The following GAB2 variants were observed in gnomAD, a reference collection of about 807,000 sequenced individuals.
The protein encoded by GAB2 is GRB2-associated-binding protein 2.
Under a neutral mutation model 65.5 loss-of-function variants are expected in GAB2, and 26 were observed. The ratio of observed to expected loss-of-function variants is 0.40; its 90% CI spans 0.29 to 0.55. The LOEUF (loss-of-function observed/expected upper bound fraction) is 0.55. Among genes scored for constraint, GAB2 ranks in the 20% least tolerant of loss-of-function variants. The probability of loss-of-function intolerance (pLI) is 0.53; values close to 1 mark genes in which losing one functional copy is unlikely to be tolerated. For synonymous variants in GAB2, 321 were observed against 329.6 expected (o/e 0.97, Z 0.28); for missense variants, 884 against 875.8 (o/e 1.01, Z -0.12).
chr11:78,275,730 A>G (rs529887404), intron 2 of GAB2, among the ~76,000 whole-genome samples: 11 of 152,350 alleles, frequency 7.2e-5, no homozygotes, highest in Admixed American at 5.2e-4. Flanking sequence ...ATATAGATGC[A>G]TATGTGTATA....
At chr11:78,384,431 A>G (rs1050464019) in intron 1 of GAB2, among the ~76,000 whole-genome samples, 2 of 152,218 alleles carry the variant, frequency 1.3e-5, no homozygotes, top group African/African-American at 4.8e-5. Flanking sequence ...AAATTGTGCC[A>G]TCAGTGGCTG....
At chr11:78,267,717 G>A (rs890746098) in intron 2 of GAB2, among the ~76,000 whole-genome samples, 2 of 151,782 alleles carry the variant, frequency 1.3e-5, no homozygotes, top group Non-Finnish European at 2.9e-5. Flanking sequence ...AATTAGCCGG[G>A]TGCAGTGGCA....
intron 2 of GAB2, among the ~76,000 whole-genome samples, chr11:78,256,881 C>CT (rs1270592856): frequency 2.0e-5 from 3 of 152,112 alleles, no homozygotes; most frequent in African/African-American, 7.2e-5. Flanking sequence ...TGTAACTGAC[C>CT]TTCCTAATGA....
chr11:78,406,207 A>G (rs186910658), intron 1 of GAB2, among the ~76,000 whole-genome samples: 19 of 152,306 alleles, frequency 1.2e-4, no homozygotes, highest in Non-Finnish European at 2.5e-4. Flanking sequence ...CTACCTTCCT[A>G]TCGGGAGTGT....
At chr11:78,263,501 T>C (rs993005619) in intron 2 of GAB2, among the ~76,000 whole-genome samples, 2 of 151,792 alleles carry the variant, frequency 1.3e-5, no homozygotes, top group African/African-American at 4.8e-5. Context: ...GGCATGGTGG[T>C]GGGTGCCTGT....
rs548664391 is a variant in GAB2 at position 78,351,085 on chromosome 11, C to A, written c.75+66561G>T. Among the ~76,000 whole-genome samples the A allele has an allele frequency of 1.1e-4, 16 of 152,270 alleles. No individual in the cohort carries two copies. In the South Asian group the frequency reaches 1.7e-3, roughly 16 times the overall value. On this transcript the variant is annotated intron_variant, in intron 1 of 9. Transcript: ENST00000361507. ...TACTGTATCCAGCTGTTGACCGAGGCAACTGTCAGCTCAAAACCATGCAGA... is the reference window on the plus strand; with the variant it reads ...TACTGTATCCAGCTGTTGACCGAGGAAACTGTCAGCTCAAAACCATGCAGA...
At chr11:78,322,355 A>G (rs1182134938) in intron 1 of GAB2, among the ~76,000 whole-genome samples, 1 of 150,316 alleles carries the variant, frequency 6.7e-6, no homozygotes, top group East Asian at 1.9e-4. Flanking sequence ...TAAAAATCCT[A>G]GAATAAAATC....
intron 2 of GAB2, among the ~76,000 whole-genome samples, chr11:78,252,576 G>A (rs1441524149): frequency 6.6e-6 from 1 of 152,108 alleles, no homozygotes; most frequent in Non-Finnish European, 1.5e-5. Flanking sequence ...CCCCTTCAGT[G>A]GAGGCATTCC....
At chr11:78,348,816 A>C (rs1213605594) in intron 1 of GAB2, among the ~76,000 whole-genome samples, 1 of 152,236 alleles carries the variant, frequency 6.6e-6, no homozygotes, top group Non-Finnish European at 1.5e-5. Flanking sequence ...AACAAGAAAG[A>C]ACCCAATGTC....
chr11:78,414,938 C>G (rs562693371), intron 1 of GAB2, among the ~76,000 whole-genome samples: 2 of 152,142 alleles, frequency 1.3e-5, no homozygotes, highest in Non-Finnish European at 2.9e-5. Flanking sequence ...GTGGTACGAT[C>G]TCGGCTCACT....
intron 1 of GAB2, among the ~76,000 whole-genome samples, chr11:78,310,011 T>C (rs1277974999): frequency 6.1e-5 from 9 of 148,476 alleles, no homozygotes; most frequent in Non-Finnish European, 1.3e-4. Flanking sequence ...AGTGGTGGGG[T>C]AAGTTGTCAC....
chr11:78,336,431 G>A (rs912411332), intron 1 of GAB2, among the ~76,000 whole-genome samples: 2 of 139,672 alleles, frequency 1.4e-5, no homozygotes, highest in Admixed American at 7.4e-5. Flanking sequence ...TTTGTATGCT[G>A]ATTTTGTATC....
At chr11:78,382,273 G>T (rs1054430888) in intron 1 of GAB2, among the ~76,000 whole-genome samples, 5 of 152,102 alleles carry the variant, frequency 3.3e-5, no homozygotes, top group African/African-American at 1.2e-4. Flanking sequence ...TGAAGGCCAA[G>T]GACTGTATCA....
intron 2 of GAB2, among the ~76,000 whole-genome samples, chr11:78,264,064 C>A (rs1340926992): frequency 6.6e-6 from 1 of 152,128 alleles, no homozygotes. Flanking sequence ...TGAAAAAGGT[C>A]TGAATTATTA....
rs187398594 is a variant in GAB2, at chr11:78,269,223, G to A, written c.376+11378C>T. Among the ~76,000 whole-genome samples the A allele has an allele frequency of 8.3e-4, 126 of 152,222 alleles. 4 individuals carry two copies. Among genetic ancestry groups the A allele is most frequent in the East Asian group, 1.9e-4 (1 of 5,182 alleles). On this transcript the variant is annotated intron_variant, in intron 2 of 9. Coordinates refer to ENST00000361507, the MANE Select transcript of GAB2 (RefSeq NM_080491.3). ...CTTGAGAGAGGAGTCTCAGCCTGGGGAGAAGATGCATATTACCGCCCACAT... is the reference window on the plus strand; with the variant it reads ...CTTGAGAGAGGAGTCTCAGCCTGGGAAGAAGATGCATATTACCGCCCACAT...
At chr11:78,290,547 T>C (rs1401234402) in intron 1 of GAB2, among the ~76,000 whole-genome samples, 1 of 152,180 alleles carries the variant, frequency 6.6e-6, no homozygotes, top group Non-Finnish European at 1.5e-5. Flanking sequence ...CTCTTATTGC[T>C]CTTGGCGCCC....
intron 8 of GAB2, among the ~76,000 whole-genome samples, chr11:78,220,846 C>T (rs1187708487): frequency 6.6e-6 from 1 of 152,210 alleles, no homozygotes; most frequent in African/African-American, 2.4e-5. Context: ...CCTTTGCTTG[C>T]TGGCGCTTAA....
chr11:78,292,034 G>C lies in GAB2; in HGVS notation c.76-11133C>G, dbSNP rs1428170474. 2.6e-5 allele frequency among the ~76,000 whole-genome samples: 4 copies of C among 151,922 alleles called. No homozygotes were observed. The East Asian group carries it at 5.8e-4, about 22-fold the overall frequency. ...TGTGTGTGTGTGTGTGTGTGTGAGA[G>C]AGAGAGAGTCAGTCTTTGTTATTGG... is the stretch of plus-strand genomic sequence containing the variant. On this transcript the variant is annotated intron_variant, in intron 1 of 9. Coordinates refer to ENST00000361507, the MANE Select transcript of GAB2 (RefSeq NM_080491.3).
chr11:78,392,873 T>A (rs1016667489), intron 1 of GAB2, among the ~76,000 whole-genome samples: 1 of 152,226 alleles, frequency 6.6e-6, no homozygotes, highest in South Asian at 2.1e-4. Context: ...ACTGCCCCAC[T>A]CCAAGTGGAG....
Sources: allele counts gnomAD v4.1 joint callset (sites outside exome capture counted in the v4.1 genomes callset), GRCh38; gene constraint gnomAD v4.1.1; transcripts MANE v1.5; gene names NCBI Gene and HGNC (gene_info 2026-07-23, HGNC 2026-07-21).